The following MYO15A variants were observed in gnomAD, a reference collection of about 807,000 sequenced individuals.
MYO15A encodes the protein myosin XVA, also known as unconventional myosin-XV.
Under a neutral mutation model 394.6 loss-of-function variants are expected in MYO15A, and 308 were observed. The ratio of observed to expected loss-of-function variants is 0.78; its 90% CI spans 0.71 to 0.86. The LOEUF (loss-of-function observed/expected upper bound fraction) is 0.86. MYO15A is among the 40% of genes least tolerant of loss of function. MYO15A has a pLI of 0.00. For synonymous variants in MYO15A, 1,957 were observed against 2,003.8 expected (o/e 0.98, Z 0.62); for missense variants, 4,606 against 4,799.1 (o/e 0.96, Z 1.19).
At position 18,113,909 on chromosome 17, in the gene MYO15A, T is replaced by A. The variant is rs543175294; in HGVS notation, c.-219-4673T>A. On this transcript the variant is annotated intron_variant, in intron 1 of 65. Transcript: ENST00000647165. ...CTGATCTGCAGCCTGCTTCCTGCAC[T>A]AGCAGGTCCTGGAGATCGCTCCCTA... is the stretch of plus-strand genomic sequence containing the variant. 4.7e-4 allele frequency among the ~76,000 whole-genome samples: 71 copies of A among 151,908 alleles called. 1 individual carries two copies. In the Middle Eastern group the frequency reaches 0.01, roughly 22 times the overall value.
chr17:18,149,425 C>T (rs777823867), intron 34 of MYO15A, 49 bp downstream of exon 34: 10 of 1,613,292 alleles, frequency 6.2e-6, no homozygotes, highest in African/African-American at 1.3e-5. Context: ...GCCTTAGAGG[C>T]TGTGTGGGGT....
chr17:18,146,228 G>A, intron 30 of MYO15A, 121 bp downstream of exon 30: 1 of 1,087,614 alleles, frequency 9.2e-7, no homozygotes, highest in Non-Finnish European at 1.4e-6. Flanking sequence ...CTCAGGCATG[G>A]AGGCTGGCCA....
chr17:18,150,515 C>T lies in MYO15A; in HGVS notation c.7299C>T (p.Thr2433=). 6.2e-7 allele frequency: 1 copy of T among 1,614,142 alleles called. No homozygotes were observed. The change falls in exon 36 of 66, where the codon ACC becomes ACT. Residue 2433 remains threonine (T), a synonymous_variant. Transcript: ENST00000647165. This position sits in a 1 kb window ranked among gnomAD's most constrained non-coding sequence, Gnocchi z 4.4. ...GGGSSSGTED[T]PRRPPEPKPI... ...GCAGCAGTAGTGGTACTGAAGACAC[C>T]CCCAGGAGACCCCCAGAGCCAAAGC...
rs1259794434 is a variant in MYO15A, at chr17:18,153,745, T to C, written c.7967-30T>C. The C allele has an allele frequency of 1.1e-5, 18 of 1,612,166 alleles. No homozygotes were observed. The highest frequency in any genetic ancestry group is 1.4e-5 in the Non-Finnish European group (17 of 1,179,538). On this transcript the variant is annotated intron_variant, in intron 42 of 65. Coordinates refer to ENST00000647165, the MANE Select transcript of MYO15A (RefSeq NM_016239.4). This position sits in a 1 kb window ranked among gnomAD's most constrained non-coding sequence, Gnocchi z 4.1. ...TTAAATAAAAAAACGAGGTGCCTTC[T>C]CCTGACTCCCTGATCCCCGCGCTCT... is the stretch of plus-strand genomic sequence containing the variant.
At position 18,131,587 on chromosome 17, in the gene MYO15A, G is replaced by C; in HGVS notation, c.4206+56G>C. On this transcript the variant is annotated intron_variant, in intron 10 of 65. Coordinates refer to ENST00000647165, the MANE Select transcript of MYO15A (RefSeq NM_016239.4). ...GGGCAGGGTCGGGGTGGGAGGTACA[G>C]ATACTCAGAGCCTGGCCCCTGGTAG... 4 of 1,598,910 alleles carry C rather than the reference G, an allele frequency of 2.5e-6. No individual in the cohort carries two copies. The South Asian group carries it at 4.4e-5, about 18-fold the overall frequency.
chr17:18,174,476 T>G (rs2046986009), intron 65 of MYO15A, among the ~76,000 whole-genome samples: 1 of 151,166 alleles, frequency 6.6e-6, no homozygotes. Context: ...AAAAAAAAAG[T>G]GCCTGTAGTC....
chr17:18,174,780 G>A (rs1483316671), intron 65 of MYO15A, among the ~76,000 whole-genome samples: 2 of 152,176 alleles, frequency 1.3e-5, no homozygotes, highest in Admixed American at 1.3e-4. Flanking sequence ...TGTCCAGCCT[G>A]TAACATCCCC....
chr17:18,139,567 G>A lies in MYO15A; in HGVS notation c.5167G>A (p.Val1723Met), dbSNP rs770183408. 2 of 1,613,988 alleles carry A rather than the reference G, an allele frequency of 1.2e-6. No homozygotes were observed. The highest frequency in any genetic ancestry group is 2.7e-5 in the African/African-American group (2 of 74,932). ...GTTCCTGGACAAGAACCACGACCAA[G>A]TGCGCCAGGATGTGCTGGACCTGTT... ...HKFLDKNHDQ[V>M]RQDVLDLFVR... Residue 1723 changes from valine to methionine, a missense_variant, in exon 19 of 66, where the codon GTG (valine) becomes ATG (methionine). Val to Met is a conservative substitution (Grantham distance 21, BLOSUM62 1). Transcript: ENST00000647165.
rs1173334229 is a variant in MYO15A, at chr17:18,155,109, G to T, written c.8225-1G>T. 1.2e-6 allele frequency: 2 copies of T among 1,612,758 alleles called. No individual in the cohort carries two copies. The highest frequency in any genetic ancestry group is 1.3e-5 in the African/African-American group (1 of 74,982). On this transcript the variant is annotated splice_acceptor_variant, in intron 45 of 65. Transcript: ENST00000647165. LOFTEE classifies it high-confidence loss of function. Reference sequence around the variant, plus strand: ...TCCTGACCAGACCTGGCCTCCCATAGCCCAGAACCAGCTGGACACACAGAA... The same window carrying T: ...TCCTGACCAGACCTGGCCTCCCATATCCCAGAACCAGCTGGACACACAGAA...
At chr17:18,126,573 C>A in intron 5 of MYO15A, 117 bp downstream of exon 5, 1 of 1,112,222 alleles carries the variant, frequency 9.0e-7, no homozygotes, top group Non-Finnish European at 1.3e-6. Context: ...GAAAGGCAGC[C>A]CACCTACTCA....
intron 29 of MYO15A, among the ~76,000 whole-genome samples, 181 bp downstream of exon 29, chr17:18,144,773 CTT>C (rs1207478240): frequency 7.3e-6 from 1 of 136,370 alleles, no homozygotes; most frequent in African/African-American, 2.8e-5. Flanking sequence ...GGACTGGTGG[CTT>C]TTCTTCTCCC....
rs1374080858 is a variant in MYO15A at position 18,161,138 on chromosome 17, C to A, written c.9387-179C>A. 4 of 1,000,234 alleles carry A rather than the reference C, an allele frequency of 4.0e-6. No homozygotes were observed. The East Asian group carries it at 7.8e-5, about 19-fold the overall frequency. The allele number at this position is 1,000,234 out of a possible 1,614,324, so 62.0% of individuals were successfully genotyped here. ...GGGCCCCATCCCCTTCTGTCCCTAT[C>A]CCCAATCCTGACTTCCCAAGCAGAA... On this transcript the variant is annotated intron_variant, in intron 56 of 65. Coordinates refer to ENST00000647165, the MANE Select transcript of MYO15A (RefSeq NM_016239.4).
In MYO15A at chr17:18,131,257, C is replaced by T. The variant is rs1367671264; in HGVS notation, c.4057C>T (p.Leu1353Phe). 1 of 1,613,990 alleles carries T rather than the reference C, an allele frequency of 6.2e-7. No homozygotes were observed. Among genetic ancestry groups the T allele is most frequent in the Admixed American group, 1.7e-5 (1 of 59,998 alleles). The stretch of plus-strand genomic sequence containing the variant: ...AGTCCAGATCCTGGAGGCAACACCC[C>T]TCTTGGAGTCCTTCGGTAATGCCAA... ...QQIKILEATPLLESFGNAKTV... is the reference protein window; with the variant it reads ...QQIKILEATPFLESFGNAKTV... Residue 1353 changes from leucine to phenylalanine, a missense_variant, in exon 9 of 66, where the codon CTC becomes TTC. This residue lies in a region of MYO15A where 2,776 missense variants were observed against 3,109.3 expected (regional missense o/e 0.89). Transcript: ENST00000647165.
chr17:18,153,110 A>C lies in MYO15A; in HGVS notation c.7967-665A>C, dbSNP rs2046611309. Among the ~76,000 whole-genome samples, 1 of 152,194 alleles carries C rather than the reference A, an allele frequency of 6.6e-6. No homozygotes were observed. ...CAGCCTTTAGCCCAGGCCTGTATACAATAGGTGTTTTGGCTGGGTGTAGTG... is the reference window on the plus strand; with the variant it reads ...CAGCCTTTAGCCCAGGCCTGTATACCATAGGTGTTTTGGCTGGGTGTAGTG... On this transcript the variant is annotated intron_variant, in intron 42 of 65. Coordinates refer to ENST00000647165, the MANE Select transcript of MYO15A (RefSeq NM_016239.4). This position sits in a 1 kb window ranked among gnomAD's most constrained non-coding sequence, Gnocchi z 4.1.
At chr17:18,126,307 G>T in intron 4 of MYO15A, 40 bp from the exon 5 acceptor site, 2 of 1,550,160 alleles carry the variant, frequency 1.3e-6, no homozygotes, top group Non-Finnish European at 1.8e-6. Flanking sequence ...ATAGAGGTCT[G>T]CAAGGAGCCA....
intron 1 of MYO15A, among the ~76,000 whole-genome samples, chr17:18,115,534 C>T (rs991735997): frequency 1.1e-4 from 16 of 152,118 alleles, no homozygotes; most frequent in Non-Finnish European, 2.4e-4. Context: ...AGGAGAATTG[C>T]TTAAACCTGG....
At chr17:18,124,201 T>A (rs2045989933) in intron 2 of MYO15A, 2 of 488,802 alleles carry the variant, frequency 4.1e-6, no homozygotes, top group Non-Finnish European at 7.6e-6. Context: ...CATGCGCCCA[T>A]GTACCTGCAT....
In MYO15A at chr17:18,118,886, G is replaced by T; in HGVS notation, c.86G>T (p.Ser29Ile). ...KAPEPEKPKR[S>I]LKGTSRLFMG... ...CCGGAGCCGGAGAAGCCCAAACGGA[G>T]CCTGAAGGGGACGTCGCGGCTGTTC... Residue 29 changes from serine (S) to isoleucine (I), a missense_variant, in exon 2 of 66, where the codon AGC becomes ATC. Ser to Ile is a moderately radical substitution (Grantham distance 142). Coordinates refer to ENST00000647165, the MANE Select transcript of MYO15A (RefSeq NM_016239.4). 1 of 1,613,866 alleles carries T rather than the reference G, an allele frequency of 6.2e-7. No individual in the cohort carries two copies. The highest frequency in any genetic ancestry group is 8.5e-7 in the Non-Finnish European group (1 of 1,179,956).
chr17:18,140,956 T>C lies in MYO15A; in HGVS notation c.5407-63T>C, dbSNP rs854779. 0.59 allele frequency: 949,507 copies of C among 1,612,122 alleles called. 289,101 individuals are homozygous for C. The highest frequency in any genetic ancestry group is 0.66 in the Middle Eastern group (3,735 of 5,658). ...AGCCTAGCACTGGGAATATTCACCA[T>C]GATAATGCCTTTTGCACATGGCTGA... On this transcript the variant is annotated intron_variant, in intron 21 of 65. Transcript: ENST00000647165.
Sources: allele counts gnomAD v4.1 joint callset (sites outside exome capture counted in the v4.1 genomes callset), GRCh38; gene constraint gnomAD v4.1.1; regional missense constraint gnomAD v4.1.1; non-coding constraint Gnocchi (gnomAD v3.1); transcripts MANE v1.5; gene names NCBI Gene and HGNC (gene_info 2026-07-23, HGNC 2026-07-21).